The following LCP2 variants were observed in gnomAD, a reference collection of about 807,000 sequenced individuals.
The protein encoded by LCP2 is lymphocyte cytosolic protein 2, also known as 76 kDa tyrosine phosphoprotein.
A neutral mutation model predicts 74.5 loss-of-function variants in LCP2; 29 were observed. The observed-to-expected ratio is 0.39, with a 90% CI of 0.29 to 0.53. The LOEUF is 0.53. LCP2 is among the 20% of genes least tolerant of loss of function. LCP2 has a pLI of 0.72. For missense variants in LCP2, 604 were observed against 634.6 expected, an observed-to-expected ratio of 0.95 and a Z score of 0.52; for synonymous variants, 228 against 229.5, an observed-to-expected ratio of 0.99 and a Z score of 0.06.
Position 170,248,783 on chromosome 5 carries a change from T to C in LCP2, c.1516A>G (p.Arg506Gly). The C allele has an allele frequency of 1.2e-6, 2 of 1,612,528 alleles. No homozygotes were observed. Among genetic ancestry groups the C allele is most frequent in the Non-Finnish European group, 1.7e-6 (2 of 1,179,136 alleles). ...TCAATGAGCAGAAGTGGCATTTTCC[T>C]GAAGTAGTCAATAATATCTGACACA... ...LSVSDIIDYFRKMPLLLIDGK... is the reference protein window; with the variant it reads ...LSVSDIIDYFGKMPLLLIDGK... Residue 506 changes from arginine to glycine, a missense_variant, in exon 21 of 21, where the codon AGG becomes GGG. Coordinates refer to ENST00000046794, the MANE Select transcript of LCP2 (RefSeq NM_005565.5).
rs1561970492 is a variant in LCP2, at chr5:170,266,901, G to A, written c.689-10C>T. The A allele has an allele frequency of 1.9e-6, 3 of 1,609,558 alleles. No homozygotes were observed. The highest frequency in any genetic ancestry group is 4.5e-5 in the East Asian group (2 of 44,744). On this transcript the variant is annotated splice_polypyrimidine_tract_variant and intron_variant, in intron 9 of 20. Coordinates refer to ENST00000046794, the MANE Select transcript of LCP2 (RefSeq NM_005565.5). ...ATTGAAGGAGCAGGGACTGGAAGGG[G>A]AAAAGGCTGACATCAATTAAAAGAA...
intron 17 of LCP2, 105 bp from the exon 18 acceptor site, chr5:170,253,318 C>G (rs186531251): frequency 2.8e-6 from 2 of 715,410 alleles, no homozygotes; most frequent in Non-Finnish European, 4.7e-6. Context: ...AATACCCTTG[C>G]GATTGGTCCT....
At chr5:170,278,917 C>G (rs957378385) in intron 3 of LCP2, among the ~76,000 whole-genome samples, 3 of 143,810 alleles carry the variant, frequency 2.1e-5, no homozygotes, top group African/African-American at 8.3e-5. Context: ...AAAGCACCTT[C>G]CAAGCCTGTG....
chr5:170,291,226 A>AAGAAAGGAAGG (rs1561979324), intron 2 of LCP2, among the ~76,000 whole-genome samples: 21 of 52,910 alleles, frequency 4.0e-4, no homozygotes, highest in Non-Finnish European at 4.4e-5. Context: ...AGGAAGGAAG[A>AAGAAAGGAAGG]AAGGAAGGAA....
At chr5:170,264,285 C>T (rs1334325282) in intron 10 of LCP2, among the ~76,000 whole-genome samples, 1 of 152,198 alleles carries the variant, frequency 6.6e-6, no homozygotes, top group Non-Finnish European at 1.5e-5. Flanking sequence ...CTAAATAAAA[C>T]AAATTTAGAG....
chr5:170,268,386 G>A lies in LCP2; in HGVS notation c.620C>T (p.Ser207Leu). 2 of 739,020 alleles carry A rather than the reference G, an allele frequency of 2.7e-6. No homozygotes were observed. The highest frequency in any genetic ancestry group is 1.8e-6 in the Non-Finnish European group (1 of 561,492). The allele number at this position is 739,020 out of a possible 1,614,324, so 45.8% of individuals were successfully genotyped here. A position where few individuals can be genotyped will look rare whatever the true frequency, so the allele number is the denominator to read the frequency against. ...GTAAAAGAACGGGAGGAGGCCTACC[G>A]AGTGATTCCGGCCGGCTGGTGGGGG... ...LPPPPAGRNH[S>L]PLPPPQTNHE... Residue 207 changes from serine (S) to leucine (L), a missense_variant and splice_region_variant, in exon 8 of 21, where the codon TCG becomes TTG. Physicochemically the swap from Ser to Leu is moderately radical, Grantham distance 145. Transcript: ENST00000046794.
chr5:170,268,059 A>C (rs1227193051), intron 8 of LCP2, among the ~76,000 whole-genome samples: 1 of 152,122 alleles, frequency 6.6e-6, no homozygotes, highest in Non-Finnish European at 1.5e-5. Context: ...AGGTGGCGCA[A>C]GTCTTTTTGC....
intron 17 of LCP2, among the ~76,000 whole-genome samples, chr5:170,254,844 A>G (rs1461172598): frequency 4.6e-5 from 7 of 152,200 alleles, no homozygotes; most frequent in African/African-American, 2.4e-5. Context: ...GGGAGTCATG[A>G]CAGGTTTTTG....
intron 3 of LCP2, 130 bp downstream of exon 3, chr5:170,287,840 C>T (rs1762209035): frequency 1.2e-6 from 1 of 823,066 alleles, no homozygotes; most frequent in Admixed American, 2.0e-5. Flanking sequence ...CCTGCCCTTG[C>T]CCTCATCCTT....
chr5:170,275,740 A>T, intron 4 of LCP2, 55 bp downstream of exon 4: 4 of 1,412,806 alleles, frequency 2.8e-6, no homozygotes, highest in Non-Finnish European at 3.9e-6. Flanking sequence ...CCTCCCTTTT[A>T]AGGTTCAACT....
At chr5:170,274,088 G>C in intron 6 of LCP2, 1 of 577,152 alleles carries the variant, frequency 1.7e-6, no homozygotes, top group East Asian at 2.9e-5. Context: ...TGCTCCAGTA[G>C]CAGAGTTGAG....
intron 16 of LCP2, among the ~76,000 whole-genome samples, chr5:170,257,010 G>A (rs960746295): frequency 6.6e-6 from 1 of 152,178 alleles, no homozygotes; most frequent in African/African-American, 2.4e-5. Context: ...AGCCAGGTGA[G>A]AAGGGAAGTG....
rs1335508447 is a variant in LCP2, at chr5:170,248,501, TGAA to T, written c.*193_*195del. The T allele has an allele frequency of 1.5e-5, 8 of 548,950 alleles. No individual in the cohort carries two copies. The highest frequency in any genetic ancestry group is 2.3e-5 in the Non-Finnish European group (7 of 310,590). The allele number at this position is 548,950 out of a possible 1,614,324, so 34.0% of individuals were successfully genotyped here. On this transcript the variant is annotated 3_prime_UTR_variant, in exon 21 of 21. Transcript: ENST00000046794. The stretch of plus-strand genomic sequence containing the variant: ...CATGACTCATGCACTTTACAAACAT[TGAA>T]GAAGAATAAATAAATTATGGGATAG...
intron 1 of LCP2, among the ~76,000 whole-genome samples, chr5:170,294,160 T>C (rs150437270): frequency 1.6e-3 from 237 of 152,318 alleles, no homozygotes; most frequent in African/African-American, 5.6e-3. Context: ...TCAGAAATAT[T>C]CCCCTTTTAA....
At chr5:170,282,642 G>A (rs1370358791) in intron 3 of LCP2, among the ~76,000 whole-genome samples, 1 of 152,166 alleles carries the variant, frequency 6.6e-6, no homozygotes, top group African/African-American at 2.4e-5. Context: ...TTTACATAAA[G>A]CAAGAATAGC....
rs1259678196 is a variant in LCP2 at position 170,249,451 on chromosome 5, TTAAA to T, written c.1480-636_1480-633del. Among the ~76,000 whole-genome samples the T allele has an allele frequency of 4.6e-5, 7 of 151,890 alleles. No homozygotes were observed. The East Asian group carries it at 9.6e-4, about 21-fold the overall frequency. On this transcript the variant is annotated intron_variant, in intron 20 of 20. Transcript: ENST00000046794. ...TTTTAACTTCATATGAAGGGGTCAT[TTAAA>T]TAGTCACTATTACAATATTCTTGCC...
chr5:170,290,964 G>GA (rs60392412), intron 2 of LCP2, among the ~76,000 whole-genome samples: 5,831 of 36,918 alleles, frequency 0.16, 123 homozygotes, highest in African/African-American at 0.18. Context: ...AAGAAAGAAA[G>GA]AAAGAAAGAA....
chr5:170,279,283 A>T (rs529132735), intron 3 of LCP2, among the ~76,000 whole-genome samples: 4 of 152,168 alleles, frequency 2.6e-5, no homozygotes, highest in Admixed American at 2.0e-4. Flanking sequence ...GCCCAGCTGC[A>T]TCCCTAACTT....
At chr5:170,268,910 C>CATG (rs59378101) in intron 7 of LCP2, among the ~76,000 whole-genome samples, 67,029 of 151,234 alleles carry the variant, frequency 0.44, 15,920 homozygotes, top group East Asian at 0.8. Context: ...TATGCACACA[C>CATG]CTGCATACAC....
Sources: gnomAD v4.1 joint callset for allele counts (sites outside exome capture counted in the v4.1 genomes callset) on GRCh38, gnomAD v4.1.1 for gene constraint, MANE v1.5 for transcripts, NCBI Gene and HGNC (gene_info 2026-07-23, HGNC 2026-07-21) for gene names.